The following BORCS5 variants were observed in gnomAD, a reference collection of about 807,000 sequenced individuals.
The protein encoded by BORCS5 is BLOC-1-related complex subunit 5.
Under a neutral mutation model 22.1 loss-of-function variants are expected in BORCS5, and 17 were observed. That is an observed-to-expected ratio of 0.77 (90% confidence interval 0.53 to 1.15). The LOEUF is 1.15. Ranked by LOEUF, BORCS5 falls within the 50% of genes most tolerant of loss-of-function variation. The pLI, the probability that BORCS5 is intolerant of heterozygous loss-of-function variation, is 0.00. For missense variants in BORCS5, 247 were observed against 253.2 expected (o/e 0.98, Z 0.17); for synonymous variants, 117 against 99.8 (o/e 1.17, Z -1.03).
chr12:12,360,719 G>A (rs1197598932), intron 1 of BORCS5, among the ~76,000 whole-genome samples: 2 of 151,394 alleles, frequency 1.3e-5, no homozygotes, highest in East Asian at 1.9e-4. Flanking sequence ...CTGAGGTGGC[G>A]TTTTTGTTTG....
chr12:12,437,847 C>T (rs1942586033), intron 3 of BORCS5, among the ~76,000 whole-genome samples: 1 of 152,116 alleles, frequency 6.6e-6, no homozygotes, highest in Non-Finnish European at 1.5e-5. Context: ...GTTGCAACCT[C>T]TAACTGCTGG....
chr12:12,438,385 A>ATAATACAAC (rs1257519800), intron 3 of BORCS5, among the ~76,000 whole-genome samples: 1 of 126,112 alleles, frequency 7.9e-6, no homozygotes, highest in African/African-American at 3.3e-5. Flanking sequence ...AAAAAACGAA[A>ATAATACAAC]AACAACAACA....
At chr12:12,438,001 T>C (rs1219047976) in intron 3 of BORCS5, among the ~76,000 whole-genome samples, 1 of 152,090 alleles carries the variant, frequency 6.6e-6, no homozygotes, top group Non-Finnish European at 1.5e-5. Context: ...AGCACTGGGA[T>C]TACAGGTGTG....
chr12:12,449,490 G>C (rs554166694), intron 3 of BORCS5, among the ~76,000 whole-genome samples: 3 of 152,270 alleles, frequency 2.0e-5, no homozygotes, highest in African/African-American at 7.2e-5. Flanking sequence ...CTGCTTAAAG[G>C]TTTTAGGATT....
At chr12:12,433,056 G>A (rs1372128640) in intron 2 of BORCS5, among the ~76,000 whole-genome samples, 2 of 152,004 alleles carry the variant, frequency 1.3e-5, no homozygotes, top group Admixed American at 6.6e-5. Context: ...AATCTGGGCT[G>A]GGCACAGTGG....
chr12:12,414,387 A>AC (rs1266207465), intron 2 of BORCS5, among the ~76,000 whole-genome samples: 9 of 70,664 alleles, frequency 1.3e-4, no homozygotes, highest in African/African-American at 3.6e-4. Flanking sequence ...CGGGGGGCTG[A>AC]CCCCCCCACC....
chr12:12,418,063 G>T (rs994235854), intron 2 of BORCS5, among the ~76,000 whole-genome samples: 1 of 148,094 alleles, frequency 6.8e-6, no homozygotes, highest in South Asian at 2.2e-4. Flanking sequence ...TCACTCTGTC[G>T]CCCAGGCTGG....
In BORCS5 at chr12:12,465,860, A is replaced by G. The variant is rs1012748292; in HGVS notation, c.*84A>G. The G allele has an allele frequency of 1.7e-6, 2 of 1,190,836 alleles. No homozygotes were observed. The highest frequency in any genetic ancestry group is 2.6e-5 in the Admixed American group (1 of 39,014). The allele number at this position is 1,190,836 out of a possible 1,614,324, so 73.8% of individuals were successfully genotyped here. A position where few individuals can be genotyped will look rare whatever the true frequency, so the allele number is the denominator to read the frequency against. On this transcript the variant is annotated 3_prime_UTR_variant, in exon 4 of 4. Coordinates refer to ENST00000314565, the MANE Select transcript of BORCS5 (RefSeq NM_058169.6). Reference sequence around the variant, plus strand: ...GGAGCTAAGGTCATATCATCTGACCAGGTCTGGAGGCTGGCGGGAGGCTCC... The same window carrying G: ...GGAGCTAAGGTCATATCATCTGACCGGGTCTGGAGGCTGGCGGGAGGCTCC...
At chr12:12,383,815 A>G (rs1863824119) in intron 2 of BORCS5, among the ~76,000 whole-genome samples, 1 of 150,566 alleles carries the variant, frequency 6.6e-6, no homozygotes, top group African/African-American at 2.4e-5. Context: ...TATTTATCCT[A>G]CTTGGGGCCT....
In BORCS5 at chr12:12,405,981, A is replaced by G. The variant is rs1941586615; in HGVS notation, c.203-29647A>G. On this transcript the variant is annotated intron_variant, in intron 2 of 3. Transcript: ENST00000314565. ...CAAGATCATGCCACAGAACTGAGCC[A>G]CTGCCAAGTACCTGCCGTGCCTTGC... Among the ~76,000 whole-genome samples the G allele has an allele frequency of 7.9e-5, 12 of 152,382 alleles. No homozygotes were observed. In the South Asian group the frequency reaches 2.5e-3, roughly 32 times the overall value.
Position 12,467,880 on chromosome 12 carries a change from C to T in BORCS5, c.*2104C>T, listed in dbSNP as rs1429078400. The T allele has an allele frequency of 6.6e-6, 1 of 152,286 alleles. No homozygotes were observed. Among genetic ancestry groups the T allele is most frequent in the African/African-American group, 2.4e-5 (1 of 41,462 alleles). 9.4% of individuals were successfully genotyped at this position (152,286 alleles called of 1,614,324 possible). On this transcript the variant is annotated 3_prime_UTR_variant, in exon 4 of 4. Coordinates refer to ENST00000314565, the MANE Select transcript of BORCS5 (RefSeq NM_058169.6). ...CGTGCACGTTACCATGGATCTCCTG[C>T]ACTTGTGGTGTGGGCAGCCGCTGGG...
chr12:12,422,065 G>A (rs1363344403), intron 2 of BORCS5, among the ~76,000 whole-genome samples: 3 of 151,948 alleles, frequency 2.0e-5, no homozygotes, highest in Non-Finnish European at 4.4e-5. Context: ...GTTCTGCTCT[G>A]ATCTTAGTTA....
At chr12:12,430,287 A>G (rs1942390331) in intron 2 of BORCS5, among the ~76,000 whole-genome samples, 1 of 151,374 alleles carries the variant, frequency 6.6e-6, no homozygotes, top group South Asian at 2.1e-4. Flanking sequence ...AGTAGCTGGG[A>G]CTACAGGCGC....
At chr12:12,423,966 A>G (rs1942211556) in intron 2 of BORCS5, among the ~76,000 whole-genome samples, 1 of 152,224 alleles carries the variant, frequency 6.6e-6, no homozygotes, top group African/African-American at 2.4e-5. Context: ...CTGGGATTAC[A>G]GGCGTGAGCC....
intron 2 of BORCS5, among the ~76,000 whole-genome samples, chr12:12,402,317 A>G (rs946679239): frequency 6.6e-6 from 1 of 152,142 alleles, no homozygotes; most frequent in African/African-American, 2.4e-5. Flanking sequence ...GAGTTGAGAG[A>G]GCAAAACAAC....
chr12:12,417,868 C>T (rs1364199852), intron 2 of BORCS5, among the ~76,000 whole-genome samples: 1 of 151,838 alleles, frequency 6.6e-6, no homozygotes, highest in Admixed American at 6.6e-5. Flanking sequence ...TCTCGAACTC[C>T]TGAGCTCAAG....
At chr12:12,408,242 A>G (rs1218274306) in intron 2 of BORCS5, among the ~76,000 whole-genome samples, 1 of 152,226 alleles carries the variant, frequency 6.6e-6, no homozygotes, top group Non-Finnish European at 1.5e-5. Flanking sequence ...GCCATTGTGA[A>G]TAATGCTGCT....
At chr12:12,422,306 A>T (rs960207070) in intron 2 of BORCS5, among the ~76,000 whole-genome samples, 35 of 152,094 alleles carry the variant, frequency 2.3e-4, no homozygotes, top group African/African-American at 8.4e-4. Flanking sequence ...TTTAAGTGAA[A>T]ACAAGTTTAT....
intron 2 of BORCS5, among the ~76,000 whole-genome samples, chr12:12,368,439 T>A (rs1413311471): frequency 6.6e-6 from 1 of 152,018 alleles, no homozygotes; most frequent in African/African-American, 2.4e-5. Flanking sequence ...TCAACTTTTT[T>A]TTCTTTTCCT....
Sources: gnomAD v4.1 joint callset for allele counts (sites outside exome capture counted in the v4.1 genomes callset) on GRCh38, gnomAD v4.1.1 for gene constraint, MANE v1.5 for transcripts, NCBI Gene and HGNC (gene_info 2026-07-23, HGNC 2026-07-21) for gene names.